Variants in NUDC observed in about 807,000 individuals in gnomAD.
NUDC encodes the protein nuclear migration protein nudC.
A neutral mutation model predicts 45.0 loss-of-function variants in NUDC; 14 were observed. That is an observed-to-expected ratio of 0.31 (90% CI 0.21 to 0.49). The LOEUF is 0.49. Among genes scored for constraint, NUDC ranks in the 20% least tolerant of loss-of-function variants. NUDC has a pLI of 0.99. For missense variants in NUDC, 323 were observed against 426.2 expected, an observed-to-expected ratio of 0.76 and a Z score of 2.13; for synonymous variants, 153 against 156.7, an observed-to-expected ratio of 0.98 and a Z score of 0.17.
intron 2 of NUDC, among the ~76,000 whole-genome samples, chr1:26,934,529 C>T (rs966602150): frequency 1.3e-5 from 2 of 152,140 alleles, no homozygotes; most frequent in African/African-American, 4.8e-5. Context: ...TTCCAACAGC[C>T]CCACAAAGTC....
Position 26,941,834 on chromosome 1 carries a change from G to T in NUDC, c.429+16G>T. On this transcript the variant is annotated intron_variant, in intron 4 of 8. Coordinates refer to ENST00000321265, the MANE Select transcript of NUDC (RefSeq NM_006600.4). Reference sequence around the variant, plus strand: ...AGGGAAGCAGGTGAGATGGACTGCAGGGACTTGGGATGAGCCAGGAGCTTG... The same window carrying T: ...AGGGAAGCAGGTGAGATGGACTGCATGGACTTGGGATGAGCCAGGAGCTTG... The T allele has an allele frequency of 1.2e-6, 2 of 1,612,014 alleles. No individual in the cohort carries two copies. Among genetic ancestry groups the T allele is most frequent in the Non-Finnish European group, 1.7e-6 (2 of 1,179,570 alleles).
intron 1 of NUDC, among the ~76,000 whole-genome samples, chr1:26,923,752 G>C (rs989625852): frequency 6.6e-6 from 1 of 152,136 alleles, no homozygotes; most frequent in African/African-American, 2.4e-5. Flanking sequence ...GATTATAGGT[G>C]TGAGCCAGTG....
intron 2 of NUDC, among the ~76,000 whole-genome samples, chr1:26,932,406 C>T (rs1281263970): frequency 2.0e-5 from 3 of 151,970 alleles, no homozygotes; most frequent in Non-Finnish European, 2.9e-5. Flanking sequence ...GTCTTGAACT[C>T]CTGACCGCAT....
At chr1:26,935,684 AGAT>A (rs1352623275) in intron 2 of NUDC, among the ~76,000 whole-genome samples, 3 of 152,040 alleles carry the variant, frequency 2.0e-5, no homozygotes, top group South Asian at 4.1e-4. Flanking sequence ...ACACAGAACT[AGAT>A]GATATCATAT....
chr1:26,946,522 C>T lies in NUDC; in HGVS notation c.*341C>T. 1 of 371,618 alleles carries T rather than the reference C, an allele frequency of 2.7e-6. No homozygotes were observed. The highest frequency in any genetic ancestry group is 5.1e-6 in the Non-Finnish European group (1 of 194,628). The allele number at this position is 371,618 out of a possible 1,614,324, so 23.0% of individuals were successfully genotyped here. A position where few individuals can be genotyped will look rare whatever the true frequency, so the allele number is the denominator to read the frequency against. On this transcript the variant is annotated 3_prime_UTR_variant, in exon 9 of 9. Coordinates refer to ENST00000321265, the MANE Select transcript of NUDC (RefSeq NM_006600.4). The stretch of plus-strand genomic sequence containing the variant: ...ATGTGACCTAGGGCACATCCTTGCC[C>T]CTCTCTGGGCCTCAGTTTCTCATTA...
At chr1:26,901,793 A>G (rs1417476922) in intron 1 of NUDC, among the ~76,000 whole-genome samples, 1 of 152,158 alleles carries the variant, frequency 6.6e-6, no homozygotes, top group Non-Finnish European at 1.5e-5. Flanking sequence ...ATACTGGGTG[A>G]TAGGAGGAAC....
At chr1:26,935,606 C>A (rs973174325) in intron 2 of NUDC, among the ~76,000 whole-genome samples, 2 of 151,928 alleles carry the variant, frequency 1.3e-5, no homozygotes, top group Non-Finnish European at 2.9e-5. Flanking sequence ...AAATTACCCC[C>A]CACCAGGTCC....
chr1:26,935,262 C>T (rs971559013), intron 2 of NUDC, among the ~76,000 whole-genome samples: 4 of 152,162 alleles, frequency 2.6e-5, no homozygotes, highest in Non-Finnish European at 4.4e-5. Context: ...GGATTACAGG[C>T]GTGAGCCACC....
Position 26,941,757 on chromosome 1 carries a change from A to G in NUDC, c.368A>G (p.Lys123Arg), listed in dbSNP as rs763214929. ...ERLQLEIDQK[K>R]DAENHEAQLK... is the part of the protein sequence containing the mutation. ...CTGCTGTGCTCTTTGCCCCAGAAAA[A>G]GGATGCAGAGAATCATGAGGCCCAG... Residue 123 changes from lysine (K) to arginine (R), a missense_variant, in exon 4 of 9, where the codon AAG (lysine) becomes AGG (arginine). Coordinates refer to ENST00000321265, the MANE Select transcript of NUDC (RefSeq NM_006600.4). 4 of 1,614,050 alleles carry G rather than the reference A, an allele frequency of 2.5e-6. No homozygotes were observed. Among genetic ancestry groups the G allele is most frequent in the Non-Finnish European group, 3.4e-6 (4 of 1,179,978 alleles).
At chr1:26,911,190 G>A (rs767500236) in exon 3 of NUDC, 72 of 469,942 alleles carry the variant, frequency 1.5e-4, no homozygotes, top group Non-Finnish European at 2.2e-4. Flanking sequence ...GTTTCAATTC[G>A]GGAGTGGGCT....
Position 26,945,597 on chromosome 1 carries a change from C to T in NUDC, c.855C>T (p.Ser285=), listed in dbSNP as rs1488525017. 2 of 1,614,028 alleles carry T rather than the reference C, an allele frequency of 1.2e-6. No homozygotes were observed. The highest frequency in any genetic ancestry group is 1.7e-6 in the Non-Finnish European group (2 of 1,180,014). Residue 285 remains serine (S), a synonymous_variant, in exon 8 of 9, where the codon AGC becomes AGT. Transcript: ENST00000321265. ...KLSDLDSETR[S]MVEKMMYDQR... is the part of the protein sequence containing the mutation. Reference sequence around the variant, plus strand: ...CAGACCTGGACAGTGAGACTCGCAGCATGGTGGAAAAGATGATGTATGACC... The same window carrying T: ...CAGACCTGGACAGTGAGACTCGCAGTATGGTGGAAAAGATGATGTATGACC...
At chr1:26,933,686 T>A (rs1171585534) in intron 2 of NUDC, among the ~76,000 whole-genome samples, 1 of 152,030 alleles carries the variant, frequency 6.6e-6, no homozygotes, top group Admixed American at 6.6e-5. Context: ...AGTGCTGGGA[T>A]TACAGGTTTG....
chr1:26,912,167 C>A, intron 3 of NUDC: 2 of 1,555,500 alleles, frequency 1.3e-6, no homozygotes, highest in Non-Finnish European at 1.8e-6. Context: ...AAGATCTGGG[C>A]CATCAGAGAC....
chr1:26,907,833 C>T (rs997426535), intron 2 of NUDC, among the ~76,000 whole-genome samples: 2 of 152,170 alleles, frequency 1.3e-5, no homozygotes, highest in African/African-American at 2.4e-5. Context: ...ATGACTCACT[C>T]CAGCTTGTGC....
rs371671949 is a variant in NUDC at position 26,925,400 on chromosome 1, C to T, written c.159+1234C>T. On this transcript the variant is annotated intron_variant, in intron 2 of 8. Transcript: ENST00000321265. ...CTAAAAACACAAAAAATTAGCCAGG[C>T]GAGGTGGCGGGCGCCTGTAGTCCCG... is the stretch of plus-strand genomic sequence containing the variant. Among the ~76,000 whole-genome samples, 60 of 150,798 alleles carry T rather than the reference C, an allele frequency of 4.0e-4. 1 individual carries two copies. In the South Asian group the frequency reaches 0.013, roughly 32 times the overall value.
chr1:26,916,468 A>G (rs1478225454), intron 3 of NUDC, among the ~76,000 whole-genome samples: 2 of 152,124 alleles, frequency 1.3e-5, no homozygotes, highest in Non-Finnish European at 1.5e-5. Flanking sequence ...AATGTGGTCA[A>G]TGGGAACCCT....
chr1:26,905,524 G>C (rs1156562995), intron 2 of NUDC, among the ~76,000 whole-genome samples: 1 of 152,102 alleles, frequency 6.6e-6, no homozygotes, highest in African/African-American at 2.4e-5. Flanking sequence ...TCTGGCTAGG[G>C]GCAGTAAATT....
intron 2 of NUDC, among the ~76,000 whole-genome samples, chr1:26,936,169 T>A (rs867642582): frequency 0.26 from 819 of 3,162 alleles, no homozygotes; most frequent in East Asian, 0.4. Context: ...ATATATATTT[T>A]TTTTTTTTTT....
chr1:26,909,929 T>C (rs971315836), intron 2 of NUDC, among the ~76,000 whole-genome samples: 2 of 151,836 alleles, frequency 1.3e-5, no homozygotes, highest in African/African-American at 4.8e-5. Flanking sequence ...GGAGGGACAT[T>C]GAAGTCACCA....
Sources: allele counts gnomAD v4.1 joint callset (sites outside exome capture counted in the v4.1 genomes callset), GRCh38; gene constraint gnomAD v4.1.1; transcripts MANE v1.5; gene names NCBI Gene and HGNC (gene_info 2026-07-23, HGNC 2026-07-21).